The following MTRFR variants were observed in gnomAD, a reference collection of about 807,000 sequenced individuals.
MTRFR encodes the protein probable peptide chain release factor C12orf65, mitochondrial.
MTRFR carries 10 observed loss-of-function variants against 11.9 expected under a neutral mutation model. That is an observed-to-expected ratio of 0.84 (90% CI 0.52 to 1.42). The LOEUF is 1.42. Among genes scored for constraint, MTRFR ranks in the 40% most tolerant of loss-of-function variants. The probability of loss-of-function intolerance (pLI) is 0.00; values close to 1 mark genes in which losing one functional copy is unlikely to be tolerated. For missense variants in MTRFR, 196 were observed against 197.9 expected (o/e 0.99, Z 0.06); for synonymous variants, 77 against 79.1 (o/e 0.97, Z 0.14).
chr12:123,257,236 G>A lies in MTRFR; in HGVS notation c.*205G>A, dbSNP rs1041809714. 2.6e-5 allele frequency: 14 copies of A among 542,686 alleles called. No homozygotes were observed. The highest frequency in any genetic ancestry group is 3.3e-5 in the Non-Finnish European group (10 of 305,052). 33.6% of individuals were successfully genotyped at this position (542,686 alleles called of 1,614,324 possible). A position where few individuals can be genotyped will look rare whatever the true frequency, so the allele number is the denominator to read the frequency against. Reference sequence around the variant, plus strand: ...TCAAGAATAAAACTCGGCTGGGCACGGTGGACGGTGCCTCACATCTGTAAT... The same window carrying A: ...TCAAGAATAAAACTCGGCTGGGCACAGTGGACGGTGCCTCACATCTGTAAT... On this transcript the variant is annotated 3_prime_UTR_variant, in exon 3 of 3. Coordinates refer to ENST00000253233, the MANE Select transcript of MTRFR (RefSeq NM_152269.5).
intron 1 of MTRFR, among the ~76,000 whole-genome samples, chr12:123,253,069 A>ATTTTT (rs1565997436): frequency 1.9e-4 from 8 of 42,818 alleles, no homozygotes; most frequent in South Asian, 1.6e-3. Flanking sequence ...CGTTCCTTTG[A>ATTTTT]ATTTTTTTTT....
chr12:123,253,505 GTC>G (rs2048141249), intron 1 of MTRFR, 140 bp from the exon 2 acceptor site: 4 of 771,690 alleles, frequency 5.2e-6, no homozygotes, highest in Non-Finnish European at 8.7e-6. Context: ...TGAATAATGT[GTC>G]TCTACTCATT....
At chr12:123,235,175 T>G (rs2047825203) in intron 1 of MTRFR, among the ~76,000 whole-genome samples, 1 of 152,198 alleles carries the variant, frequency 6.6e-6, no homozygotes, top group Admixed American at 6.5e-5. Context: ...ACTTTACATT[T>G]ATGGCAACAT....
At chr12:123,247,350 A>G (rs1480415994) in intron 1 of MTRFR, among the ~76,000 whole-genome samples, 1 of 152,170 alleles carries the variant, frequency 6.6e-6, no homozygotes, top group Non-Finnish European at 1.5e-5. Flanking sequence ...AGGTTCATAT[A>G]TGTTTAGGAT....
intron 1 of MTRFR, chr12:123,240,727 C>CTTT (rs62837760): frequency 2.4e-4 from 25 of 102,070 alleles, no homozygotes; most frequent in African/African-American, 8.4e-4. Flanking sequence ...TTTTATTGAC[C>CTTT]TTTTTTTTTT....
chr12:123,246,314 A>G (rs757288043), intron 1 of MTRFR, among the ~76,000 whole-genome samples: 1 of 152,112 alleles, frequency 6.6e-6, no homozygotes, highest in Non-Finnish European at 1.5e-5. Context: ...CGGCCTCCCA[A>G]AGTGCTGAGC....
At chr12:123,238,096 A>G (rs571960131) in intron 1 of MTRFR, among the ~76,000 whole-genome samples, 1 of 152,126 alleles carries the variant, frequency 6.6e-6, no homozygotes, top group South Asian at 2.1e-4. Flanking sequence ...GGGTTTCACC[A>G]TGTTGCCCAG....
intron 1 of MTRFR, among the ~76,000 whole-genome samples, chr12:123,244,959 T>TTTTC (rs1355776573): frequency 1.0e-5 from 1 of 96,234 alleles, no homozygotes; most frequent in African/African-American, 3.1e-5. Context: ...TTTTTTTTTT[T>TTTTC]TAGACAGAGT....
chr12:123,248,104 C>G (rs2138778419), intron 1 of MTRFR, among the ~76,000 whole-genome samples: 1 of 152,210 alleles, frequency 6.6e-6, no homozygotes, highest in South Asian at 2.1e-4. Flanking sequence ...TGATGTGTTT[C>G]CAGGATTTGT....
intron 1 of MTRFR, among the ~76,000 whole-genome samples, chr12:123,246,993 T>C (rs575508485): frequency 6.6e-6 from 1 of 151,924 alleles, no homozygotes; most frequent in South Asian, 2.1e-4. Context: ...CCTCCCAAAG[T>C]GCTGGGATTA....
chr12:123,253,079 T>A (rs1178384207), intron 1 of MTRFR, among the ~76,000 whole-genome samples: 10 of 71,208 alleles, frequency 1.4e-4, no homozygotes, highest in African/African-American at 3.9e-4. Context: ...AATTTTTTTT[T>A]TTTTTTTTTT....
At chr12:123,247,036 A>G (rs182058879) in intron 1 of MTRFR, among the ~76,000 whole-genome samples, 1 of 151,660 alleles carries the variant, frequency 6.6e-6, no homozygotes, top group Admixed American at 6.6e-5. Flanking sequence ...CCTAATTTCA[A>G]TTTTCTTAAA....
chr12:123,248,771 A>AC (rs2048075718), intron 1 of MTRFR: 1 of 151,818 alleles, frequency 6.6e-6, no homozygotes, highest in Non-Finnish European at 1.5e-5. Flanking sequence ...CCCTTATCTG[A>AC]CCCCACCCAC....
intron 1 of MTRFR, among the ~76,000 whole-genome samples, chr12:123,236,628 T>A (rs2047855129): frequency 1.3e-5 from 2 of 151,994 alleles, no homozygotes; most frequent in Non-Finnish European, 2.9e-5. Context: ...TGCTTTGGTT[T>A]GTATATGTTT....
At chr12:123,246,078 G>A (rs568132430) in intron 1 of MTRFR, among the ~76,000 whole-genome samples, 13 of 152,148 alleles carry the variant, frequency 8.5e-5, no homozygotes, top group Admixed American at 1.3e-4. Flanking sequence ...GTTTTGTTGT[G>A]AGACAGTCTC....
In MTRFR at chr12:123,257,897, G is replaced by T. The variant is rs2048200709; in HGVS notation, c.*866G>T. On this transcript the variant is annotated 3_prime_UTR_variant, in exon 3 of 3. Coordinates refer to ENST00000253233, the MANE Select transcript of MTRFR (RefSeq NM_152269.5). ...TTTCAAATTGTACCTTTGTGAGATT[G>T]TATGTTTTGTAATAATAAAATTTTT... is the stretch of plus-strand genomic sequence containing the variant. The T allele has an allele frequency of 6.6e-6, 1 of 152,212 alleles. No individual in the cohort carries two copies. The highest frequency in any genetic ancestry group is 2.4e-5 in the African/African-American group (1 of 41,444). The allele number at this position is 152,212 out of a possible 1,614,324, so 9.4% of individuals were successfully genotyped here. A position where few individuals can be genotyped will look rare whatever the true frequency, so the allele number is the denominator to read the frequency against.
chr12:123,251,413 G>A (rs139245956), intron 1 of MTRFR: 1 of 152,360 alleles, frequency 6.6e-6, no homozygotes, highest in Non-Finnish European at 1.5e-5. Flanking sequence ...TTCTCCCTGT[G>A]GAGTTTTATC....
intron 2 of MTRFR, chr12:123,254,278 A>T (rs1470451632): frequency 3.1e-6 from 1 of 326,916 alleles, no homozygotes. Context: ...TGACAAAGCT[A>T]AGCAGTGGCT....
At chr12:123,250,247 A>G (rs928052623) in intron 1 of MTRFR, 1 of 152,162 alleles carries the variant, frequency 6.6e-6, no homozygotes, top group African/African-American at 2.4e-5. Context: ...TCTTTAAGCT[A>G]TCTATTTCCC....
Sources: gnomAD v4.1 joint callset for allele counts (sites outside exome capture counted in the v4.1 genomes callset) on GRCh38, gnomAD v4.1.1 for gene constraint, MANE v1.5 for transcripts, NCBI Gene and HGNC (gene_info 2026-07-23, HGNC 2026-07-21) for gene names.